PCDHA5: variants seen among roughly 807,000 people sequenced by gnomAD.
The protein encoded by PCDHA5 is protocadherin alpha-5.
Under a neutral mutation model 61.6 loss-of-function variants are expected in PCDHA5, and 43 were observed. The observed-to-expected ratio is 0.70, with a 90% CI of 0.55 to 0.90. PCDHA5 has a LOEUF of 0.90. Among genes scored for constraint, PCDHA5 ranks in the 40% least tolerant of loss-of-function variants. The pLI is 0.00. For missense variants in PCDHA5, 1,298 were observed against 1,222.7 expected, an observed-to-expected ratio of 1.06 and a Z score of -0.92; for synonymous variants, 627 against 543.9, an observed-to-expected ratio of 1.15 and a Z score of -2.13.
intron 1 of PCDHA5, chr5:140,876,644 C>G: frequency 2.5e-6 from 4 of 1,614,200 alleles, no homozygotes; most frequent in Non-Finnish European, 3.4e-6. Context: ...TCACTGACAC[C>G]TCATGTTCCC....
In PCDHA5 at chr5:140,979,814, T is replaced by C. The variant is rs1296773498; in HGVS notation, c.2411+807T>C. 3.3e-5 allele frequency among the ~76,000 whole-genome samples: 5 copies of C among 152,232 alleles called. No homozygotes were observed. The South Asian group carries it at 8.3e-4, about 25-fold the overall frequency. On this transcript the variant is annotated intron_variant, in intron 2 of 3. Transcript: ENST00000529859. The stretch of plus-strand genomic sequence containing the variant: ...CAAATGATCACAACTATCAAAAGGA[T>C]TTAATTTTAAAGAAGAAATAATCTT...
intron 1 of PCDHA5, chr5:140,927,277 G>A (rs1554204290): frequency 6.2e-7 from 1 of 1,614,016 alleles, no homozygotes; most frequent in Non-Finnish European, 8.5e-7. Context: ...TGCCGGCGAC[G>A]TGCAGCTGCA....
intron 1 of PCDHA5, among the ~76,000 whole-genome samples, chr5:140,826,214 C>T (rs186119066): frequency 6.6e-6 from 1 of 152,250 alleles, no homozygotes; most frequent in African/African-American, 2.4e-5. Flanking sequence ...TTTAAAAAAT[C>T]AAGTTTTGTG....
chr5:140,871,674 A>G (rs1582053798), intron 1 of PCDHA5: 3 of 1,137,860 alleles, frequency 2.6e-6, no homozygotes, highest in Non-Finnish European at 3.6e-6. Context: ...TCTTTTAATC[A>G]TATGAATAAT....
intron 1 of PCDHA5, among the ~76,000 whole-genome samples, chr5:140,920,380 T>C (rs1386655132): frequency 2.0e-5 from 3 of 152,246 alleles, no homozygotes; most frequent in Non-Finnish European, 4.4e-5. Flanking sequence ...TGTGGATTCA[T>C]ATTACCATCT....
chr5:140,973,929 T>C (rs2096608226), intron 1 of PCDHA5, among the ~76,000 whole-genome samples: 1 of 152,216 alleles, frequency 6.6e-6, no homozygotes, highest in Non-Finnish European at 1.5e-5. Flanking sequence ...AACCCAGAGG[T>C]TTAGCTGAAT....
Position 140,824,141 on chromosome 5 carries a change from T to C in PCDHA5, c.2352+14T>C. ...TCTACAGACAACGTGAGTTTTCTAA[T>C]ATTAACATCCATCTTTCCCTCCCAA... On this transcript the variant is annotated intron_variant, in intron 1 of 3. Transcript: ENST00000529859. The C allele has an allele frequency of 6.2e-7, 1 of 1,612,188 alleles. No individual in the cohort carries two copies. Among genetic ancestry groups the C allele is most frequent in the South Asian group, 1.1e-5 (1 of 91,042 alleles).
chr5:140,977,266 A>G (rs2096753154), intron 1 of PCDHA5, among the ~76,000 whole-genome samples: 3 of 152,240 alleles, frequency 2.0e-5, no homozygotes, highest in Admixed American at 1.3e-4. Context: ...CAGATGTTAC[A>G]GTCTTTCTCA....
In PCDHA5 at chr5:140,990,889, G is replaced by A. The variant is rs569864202; in HGVS notation, c.2500+8326G>A. Among the ~76,000 whole-genome samples, 53 of 152,284 alleles carry A rather than the reference G, an allele frequency of 3.5e-4. 2 individuals are homozygous for A. The South Asian group carries it at 8.3e-3, about 24-fold the overall frequency. Reference sequence around the variant, plus strand: ...TTTAAGTGTATGTTCCAGTGAGTGGGTCGTTGCTGGGTCAAGTTTTATAAG... The same window carrying A: ...TTTAAGTGTATGTTCCAGTGAGTGGATCGTTGCTGGGTCAAGTTTTATAAG... On this transcript the variant is annotated intron_variant, in intron 3 of 3. Transcript: ENST00000529859.
intron 1 of PCDHA5, chr5:140,882,370 C>T: frequency 6.2e-7 from 1 of 1,614,220 alleles, no homozygotes; most frequent in Non-Finnish European, 8.5e-7. Context: ...TCCACTACTC[C>T]GTCCCCGAGG....
chr5:140,982,265 G>A lies in PCDHA5; in HGVS notation c.2412-210G>A, dbSNP rs2096974278. ...ATAAAGATAGAACATGTGTGTTCCT[G>A]GAATAGTATAGCAGGCAATAAGTAA... On this transcript the variant is annotated intron_variant, in intron 2 of 3. Transcript: ENST00000529859. 7 of 870,768 alleles carry A rather than the reference G, an allele frequency of 8.0e-6. No individual in the cohort carries two copies. In the Admixed American group the frequency reaches 1.6e-4, roughly 20 times the overall value. 53.9% of individuals were successfully genotyped at this position (870,768 alleles called of 1,614,324 possible).
chr5:140,878,011 A>G (rs1008308579), intron 1 of PCDHA5: 1 of 843,992 alleles, frequency 1.2e-6, no homozygotes, highest in Non-Finnish European at 1.7e-6. Flanking sequence ...TCTAACATTA[A>G]TGAAGGAAAT....
At chr5:140,891,410 A>G (rs1381375342) in intron 1 of PCDHA5, among the ~76,000 whole-genome samples, 1 of 130,438 alleles carries the variant, frequency 7.7e-6, no homozygotes, top group East Asian at 2.5e-4. Context: ...GCCACCCCCC[A>G]CTCTTGCCCC....
At chr5:140,965,314 T>C (rs563123453) in intron 1 of PCDHA5, among the ~76,000 whole-genome samples, 1 of 152,254 alleles carries the variant, frequency 6.6e-6, no homozygotes, top group East Asian at 1.9e-4. Flanking sequence ...TACCTTCTCT[T>C]TTACTGAAGT....
chr5:140,948,492 A>C (rs915795889), intron 1 of PCDHA5, among the ~76,000 whole-genome samples: 1 of 151,594 alleles, frequency 6.6e-6, no homozygotes, highest in Non-Finnish European at 1.5e-5. Flanking sequence ...AATTTCTTTC[A>C]TAGACTTTCT....
intron 1 of PCDHA5, among the ~76,000 whole-genome samples, chr5:140,854,943 T>C (rs1157657888): frequency 6.7e-6 from 1 of 149,922 alleles, no homozygotes; most frequent in East Asian, 1.9e-4. Flanking sequence ...GCAGAAATAA[T>C]AAATTTCTTA....
chr5:140,858,066 AG>A, intron 1 of PCDHA5: 1 of 1,597,600 alleles, frequency 6.3e-7, no homozygotes, highest in Non-Finnish European at 8.6e-7. Flanking sequence ...GAGGGCAGCC[AG>A]GCACCCAAGG....
chr5:140,876,898 A>G (rs2056678585), intron 1 of PCDHA5: 38 of 1,614,056 alleles, frequency 2.4e-5, no homozygotes, highest in Non-Finnish European at 3.1e-5. Flanking sequence ...CCACATCTTC[A>G]CGGTGTCGGC....
chr5:140,826,260 T>C (rs1554130510), intron 1 of PCDHA5, among the ~76,000 whole-genome samples: 1 of 152,220 alleles, frequency 6.6e-6, no homozygotes, highest in Admixed American at 6.5e-5. Context: ...ATATATCAAG[T>C]CTTTATGTAT....
Sources: gnomAD v4.1 joint callset for allele counts (sites outside exome capture counted in the v4.1 genomes callset) on GRCh38, gnomAD v4.1.1 for gene constraint, MANE v1.5 for transcripts, NCBI Gene and HGNC (gene_info 2026-07-23, HGNC 2026-07-21) for gene names.